The following SLCO3A1 variants were observed in gnomAD, a reference collection of about 807,000 sequenced individuals.
The protein encoded by SLCO3A1 is solute carrier organic anion transporter family member 3A1, also known as PGE1 transporter.
SLCO3A1 carries 27 observed loss-of-function variants against 63.1 expected under a neutral mutation model. The observed-to-expected ratio is 0.43, with a 90% CI of 0.32 to 0.59. The LOEUF is 0.59. Ranked by LOEUF, SLCO3A1 falls within the 20% of genes least tolerant of loss-of-function variation. The pLI is 0.09. For missense variants in SLCO3A1, 773 were observed against 945.8 expected (o/e 0.82, Z 2.40); for synonymous variants, 473 against 409.9 (o/e 1.15, Z -1.86).
chr15:91,966,868 A>C (rs941639006), intron 2 of SLCO3A1, among the ~76,000 whole-genome samples: 3 of 152,210 alleles, frequency 2.0e-5, no homozygotes, highest in Admixed American at 6.6e-5. Flanking sequence ...AATGTAAAAA[A>C]GTCTAACCCT....
intron 2 of SLCO3A1, among the ~76,000 whole-genome samples, chr15:92,056,226 T>C (rs898433751): frequency 1.3e-5 from 2 of 152,178 alleles, no homozygotes; most frequent in African/African-American, 4.8e-5. Flanking sequence ...GTTCAGCCTT[T>C]GGGGGTTGAA....
chr15:92,150,440 A>G (rs2048289774), intron 8 of SLCO3A1, among the ~76,000 whole-genome samples: 1 of 152,182 alleles, frequency 6.6e-6, no homozygotes. Context: ...GGAACATGCT[A>G]AGTGGATTAT....
At chr15:92,006,764 T>G (rs1354421915) in intron 2 of SLCO3A1, among the ~76,000 whole-genome samples, 1 of 152,210 alleles carries the variant, frequency 6.6e-6, no homozygotes, top group African/African-American at 2.4e-5. Context: ...AGGATAGATG[T>G]GTCTAGTGCA....
At chr15:91,969,661 T>C (rs16946183) in intron 2 of SLCO3A1, among the ~76,000 whole-genome samples, 35,778 of 152,086 alleles carry the variant, frequency 0.24, 5,353 homozygotes, top group African/African-American at 0.41. Flanking sequence ...AATCTCCTTT[T>C]ACTTCATAAC....
intron 5 of SLCO3A1, among the ~76,000 whole-genome samples, chr15:92,123,388 C>G (rs1297115992): frequency 6.6e-6 from 1 of 151,982 alleles, no homozygotes; most frequent in East Asian, 1.9e-4. Flanking sequence ...GCCTGGGGGA[C>G]AAGAGTGAGA....
intron 8 of SLCO3A1, 30 bp from the exon 9 acceptor site, chr15:92,150,917 GTTT>G (rs76758332): frequency 1.4e-6 from 2 of 1,381,372 alleles, no homozygotes; most frequent in Non-Finnish European, 2.0e-6. Context: ...TAAAAATCTG[GTTT>G]TTTTTTTCTC....
intron 2 of SLCO3A1, among the ~76,000 whole-genome samples, chr15:91,922,196 G>GCGCACACACACACA (rs140542461): frequency 3.3e-5 from 5 of 151,438 alleles, no homozygotes; most frequent in Non-Finnish European, 7.4e-5. Context: ...GCGCGTGCAC[G>GCGCACACACACACA]CACACACACA....
At chr15:92,012,154 G>T (rs1376188284) in intron 2 of SLCO3A1, among the ~76,000 whole-genome samples, 1 of 152,238 alleles carries the variant, frequency 6.6e-6, no homozygotes, top group Non-Finnish European at 1.5e-5. Context: ...GTAATAATCA[G>T]TGCCGTTTAT....
intron 2 of SLCO3A1, among the ~76,000 whole-genome samples, chr15:91,934,672 G>C (rs1899345867): frequency 6.6e-6 from 1 of 152,164 alleles, no homozygotes; most frequent in Admixed American, 6.5e-5. Context: ...TCTTTTATTT[G>C]TAATGGGGAC....
intron 2 of SLCO3A1, among the ~76,000 whole-genome samples, chr15:91,969,481 T>G (rs960867045): frequency 6.6e-6 from 1 of 152,086 alleles, no homozygotes; most frequent in African/African-American, 2.4e-5. Context: ...AATTTTTGTA[T>G]TTTTAGTAAA....
At chr15:92,012,982 TAA>T (rs2046385736) in intron 2 of SLCO3A1, among the ~76,000 whole-genome samples, 1 of 152,122 alleles carries the variant, frequency 6.6e-6, no homozygotes, top group Non-Finnish European at 1.5e-5. Flanking sequence ...GCCTGAAAAT[TAA>T]AAGACCCTGC....
intron 2 of SLCO3A1, among the ~76,000 whole-genome samples, chr15:91,972,725 C>G (rs1433986850): frequency 6.6e-6 from 1 of 152,158 alleles, no homozygotes; most frequent in Admixed American, 6.5e-5. Context: ...GACAGAGGCC[C>G]AGGGAATGCC....
chr15:92,016,048 A>G (rs1016632129), intron 2 of SLCO3A1, among the ~76,000 whole-genome samples: 3 of 152,152 alleles, frequency 2.0e-5, no homozygotes, highest in Non-Finnish European at 2.9e-5. Flanking sequence ...CAAGGAGGAG[A>G]TGAAATTTCT....
chr15:91,942,085 C>G lies in SLCO3A1; in HGVS notation c.646+25627C>G, dbSNP rs1025069018. On this transcript the variant is annotated intron_variant, in intron 2 of 9. Transcript: ENST00000318445. This position sits in a 1 kb window ranked among gnomAD's most constrained non-coding sequence, Gnocchi z 4.1. ...TTCTTTATTCTAGACAATGCCACCA[C>G]CTACTGTTTTGCTGTTTAAATGTAC... is the stretch of plus-strand genomic sequence containing the variant. Among the ~76,000 whole-genome samples the G allele has an allele frequency of 6.6e-5, 10 of 151,980 alleles. No individual in the cohort carries two copies. Among genetic ancestry groups the G allele is most frequent in the African/African-American group, 2.4e-4 (10 of 41,262 alleles).
intron 2 of SLCO3A1, among the ~76,000 whole-genome samples, chr15:92,091,805 G>C (rs182915017): frequency 5.3e-5 from 8 of 152,208 alleles, no homozygotes; most frequent in Admixed American, 1.3e-4. Context: ...GGTGTTTGGC[G>C]TGGGGTCCTA....
At chr15:91,995,236 G>A (rs906039344) in intron 2 of SLCO3A1, among the ~76,000 whole-genome samples, 1 of 152,162 alleles carries the variant, frequency 6.6e-6, no homozygotes, top group African/African-American at 2.4e-5. Flanking sequence ...GGAAGGCACA[G>A]AGACCTGGGT....
Position 91,884,593 on chromosome 15 carries a change from C to A in SLCO3A1, c.180+30505C>A, listed in dbSNP as rs1567170827. On this transcript the variant is annotated intron_variant, in intron 1 of 9. Coordinates refer to ENST00000318445, the MANE Select transcript of SLCO3A1 (RefSeq NM_013272.4). ...AATATTAAATTGTTTTAAAATAAAA[C>A]TTATTGATTTATTCAGCACAGATTA... Among the ~76,000 whole-genome samples the A allele has an allele frequency of 6.1e-5, 9 of 148,276 alleles. No individual in the cohort carries two copies. In the East Asian group the frequency reaches 1.8e-3, roughly 30 times the overall value.
intron 2 of SLCO3A1, among the ~76,000 whole-genome samples, chr15:92,053,669 A>G (rs1352252843): frequency 1.9e-5 from 1 of 52,734 alleles, no homozygotes; most frequent in African/African-American, 5.8e-5. Context: ...TTGTGATTTT[A>G]TGTTTTGTTT....
chr15:91,947,361 T>C (rs766593849), intron 2 of SLCO3A1, among the ~76,000 whole-genome samples: 8 of 152,240 alleles, frequency 5.3e-5, no homozygotes, highest in African/African-American at 1.2e-4. Context: ...CTCAGGCCTT[T>C]CCCGAACAAG....
Sources: gnomAD v4.1 joint callset for allele counts (sites outside exome capture counted in the v4.1 genomes callset) on GRCh38, gnomAD v4.1.1 for gene constraint, Gnocchi (gnomAD v3.1) non-coding constraint, MANE v1.5 for transcripts, NCBI Gene and HGNC (gene_info 2026-07-23, HGNC 2026-07-21) for gene names.